COL25A1: variants seen among roughly 807,000 people sequenced by gnomAD.
The protein encoded by COL25A1 is collagen type XXV alpha 1 chain.
COL25A1 carries 103 observed loss-of-function variants against 128.4 expected under a neutral mutation model. That is an observed-to-expected ratio of 0.80 (90% CI 0.68 to 0.94). The LOEUF (loss-of-function observed/expected upper bound fraction) is 0.94, where lower values mean the gene tolerates loss of function less well. COL25A1 is among the 40% of genes least tolerant of loss of function. The pLI is 0.00. For missense variants in COL25A1, 745 were observed against 840.0 expected, an observed-to-expected ratio of 0.89 and a Z score of 1.40; for synonymous variants, 279 against 277.2, an observed-to-expected ratio of 1.01 and a Z score of -0.06.
intron 3 of COL25A1, among the ~76,000 whole-genome samples, chr4:109,263,853 C>T (rs1424070278): frequency 1.3e-5 from 2 of 152,152 alleles, no homozygotes; most frequent in African/African-American, 2.4e-5. Flanking sequence ...AAAAACAAAA[C>T]GGCACACCTC....
intron 19 of COL25A1, among the ~76,000 whole-genome samples, chr4:108,882,331 T>C (rs1740232798): frequency 6.7e-6 from 1 of 149,774 alleles, no homozygotes; most frequent in African/African-American, 2.5e-5. Flanking sequence ...TCCAAGAAAG[T>C]GCTTCAAGTT....
intron 16 of COL25A1, among the ~76,000 whole-genome samples, chr4:108,894,023 G>A (rs952964154): frequency 1.3e-5 from 2 of 151,746 alleles, no homozygotes; most frequent in Non-Finnish European, 2.9e-5. Context: ...AAAACTTTTT[G>A]ATAAAAAAAA....
chr4:109,054,766 G>A (rs1238796331), intron 3 of COL25A1, among the ~76,000 whole-genome samples: 1 of 152,202 alleles, frequency 6.6e-6, no homozygotes, highest in Non-Finnish European at 1.5e-5. Flanking sequence ...CTTGTGGTCT[G>A]GGAGGGACAG....
chr4:109,168,463 A>G (rs1773280531), intron 3 of COL25A1, among the ~76,000 whole-genome samples: 2 of 152,216 alleles, frequency 1.3e-5, no homozygotes, highest in Admixed American at 1.3e-4. Flanking sequence ...TTGACTTACA[A>G]ATAGGAAAAG....
intron 3 of COL25A1, among the ~76,000 whole-genome samples, chr4:109,252,949 A>C (rs1780764299): frequency 6.6e-6 from 1 of 152,214 alleles, no homozygotes; most frequent in Admixed American, 6.5e-5. Flanking sequence ...ATAGGCACAG[A>C]CTGGGAGAAA....
At chr4:108,848,359 A>G (rs993400260) in intron 27 of COL25A1, among the ~76,000 whole-genome samples, 4 of 152,142 alleles carry the variant, frequency 2.6e-5, no homozygotes, top group African/African-American at 9.7e-5. Flanking sequence ...TTTATTTGGG[A>G]AAAGAAAACA....
At chr4:109,135,311 T>C (rs1370563194) in intron 3 of COL25A1, among the ~76,000 whole-genome samples, 1 of 152,152 alleles carries the variant, frequency 6.6e-6, no homozygotes, top group Non-Finnish European at 1.5e-5. Flanking sequence ...AATTATAATA[T>C]ATTAATTCTT....
At chr4:108,948,909 A>G (rs1431069668) in intron 8 of COL25A1, among the ~76,000 whole-genome samples, 1 of 152,220 alleles carries the variant, frequency 6.6e-6, no homozygotes, top group Non-Finnish European at 1.5e-5. Context: ...AAAAGTGCCT[A>G]AACTATTCAT....
rs931092858 is a variant in COL25A1, at chr4:108,942,215, G to C, written c.493-778C>G. On this transcript the variant is annotated intron_variant, in intron 8 of 37. Transcript: ENST00000399132. ...ATGAGTGACAACCACAAACCTTGAC[G>C]GTGAGGATCTGATTACTGTGCAGGG... The C allele has an allele frequency of 3.9e-6, 6 of 1,550,196 alleles. No individual in the cohort carries two copies. In the East Asian group the frequency reaches 9.8e-5, roughly 25 times the overall value.
chr4:109,157,707 T>C (rs1772167879), intron 3 of COL25A1, among the ~76,000 whole-genome samples: 1 of 152,208 alleles, frequency 6.6e-6, no homozygotes, highest in Non-Finnish European at 1.5e-5. Context: ...AATCCTGTCT[T>C]ACAAGGATTT....
At chr4:109,002,902 G>A (rs1755589638) in intron 6 of COL25A1, among the ~76,000 whole-genome samples, 1 of 152,006 alleles carries the variant, frequency 6.6e-6, no homozygotes. Flanking sequence ...CATGCATTAG[G>A]TATTTGTCCT....
rs780766682 is a variant in COL25A1 at position 108,860,964 on chromosome 4, C to T, written c.1205G>A (p.Arg402His). Residue 402 changes from arginine (R) to histidine (H), a missense_variant, in exon 23 of 38, where the codon CGT becomes CAT. By Grantham distance (29) the Arg-to-His change is conservative. Transcript: ENST00000399132. ...TRGPKGSKGDRGEKGDSGAQG... is the reference protein window; with the variant it reads ...TRGPKGSKGDHGEKGDSGAQG... The stretch of plus-strand genomic sequence containing the variant: ...AGCTCCAGAGTCCCCTTTTTCTCCA[C>T]GATCCCCCTTTTCCCGTTGGAAAGA... 1.7e-5 allele frequency: 27 copies of T among 1,613,492 alleles called. No individual in the cohort carries two copies. The highest frequency in any genetic ancestry group is 1.7e-4 in the Middle Eastern group (1 of 6,054).
At chr4:109,016,005 C>A (rs1757173901) in intron 5 of COL25A1, among the ~76,000 whole-genome samples, 1 of 152,164 alleles carries the variant, frequency 6.6e-6, no homozygotes, top group Non-Finnish European at 1.5e-5. Context: ...GGATCCCTGC[C>A]CCCTACTGAG....
chr4:108,817,018 C>A (rs1731313131), intron 37 of COL25A1, among the ~76,000 whole-genome samples: 1 of 152,090 alleles, frequency 6.6e-6, no homozygotes, highest in African/African-American at 2.4e-5. Flanking sequence ...CTAATATTGA[C>A]AGGGTTCTAC....
chr4:109,279,187 G>A (rs900521469), intron 3 of COL25A1, among the ~76,000 whole-genome samples: 1 of 152,004 alleles, frequency 6.6e-6, no homozygotes, highest in Non-Finnish European at 1.5e-5. Flanking sequence ...GTTGTAACTG[G>A]TTCACAATTC....
At chr4:109,208,852 G>A (rs1181154489) in intron 3 of COL25A1, among the ~76,000 whole-genome samples, 1 of 152,132 alleles carries the variant, frequency 6.6e-6, no homozygotes, top group South Asian at 2.1e-4. Flanking sequence ...ATTCTCCACT[G>A]CGTTTTCTCT....
intron 3 of COL25A1, among the ~76,000 whole-genome samples, chr4:109,063,955 C>T (rs1560622160): frequency 6.6e-6 from 1 of 152,052 alleles, no homozygotes; most frequent in Non-Finnish European, 1.5e-5. Context: ...CTTACGGAAC[C>T]TAAGGCACAG....
At chr4:108,877,525 T>G (rs1217808184) in intron 19 of COL25A1, among the ~76,000 whole-genome samples, 1 of 152,100 alleles carries the variant, frequency 6.6e-6, no homozygotes, top group Non-Finnish European at 1.5e-5. Flanking sequence ...CTATATAAGA[T>G]AGATACCTTT....
rs1760638755 is a variant in COL25A1, at chr4:109,048,246, A to G, written c.413-71T>C. On this transcript the variant is annotated intron_variant, in intron 4 of 37. Coordinates refer to ENST00000399132, the MANE Select transcript of COL25A1 (RefSeq NM_198721.4). Reference sequence around the variant, plus strand: ...TGAATATGCAAAATATTAAAATCAAACAAAAGATATGAGCATAATCATCAG... The same window carrying G: ...TGAATATGCAAAATATTAAAATCAAGCAAAAGATATGAGCATAATCATCAG... The G allele has an allele frequency of 4.2e-6, 6 of 1,424,966 alleles. No individual in the cohort carries two copies. In the Admixed American group the frequency reaches 5.1e-5, roughly 12 times the overall value. 88.3% of individuals were successfully genotyped at this position (1,424,966 alleles called of 1,614,324 possible). A position where few individuals can be genotyped will look rare whatever the true frequency, so the allele number is the denominator to read the frequency against.
Sources: allele counts gnomAD v4.1 joint callset (sites outside exome capture counted in the v4.1 genomes callset), GRCh38; gene constraint gnomAD v4.1.1; transcripts MANE v1.5; gene names NCBI Gene and HGNC (gene_info 2026-07-23, HGNC 2026-07-21).